SOX11: variants seen among roughly 807,000 people sequenced by gnomAD.
The protein encoded by SOX11 is transcription factor SOX-11.
Under a neutral mutation model 16.7 loss-of-function variants are expected in SOX11, and 5 were observed. That is an observed-to-expected ratio of 0.30 (90% CI 0.16 to 0.63). The LOEUF (loss-of-function observed/expected upper bound fraction) is 0.63, where lower values mean the gene tolerates loss of function less well. SOX11 is among the 20% of genes least tolerant of loss of function. The pLI is 0.82. For missense variants in SOX11, 492 were observed against 641.5 expected, an observed-to-expected ratio of 0.77 and a Z score of 2.52; for synonymous variants, 363 against 298.8, an observed-to-expected ratio of 1.21 and a Z score of -2.22.
In SOX11 at chr2:5,692,580, CG is replaced by C. The variant is rs1167244284; in HGVS notation, c.-135del. On this transcript the variant is annotated 5_prime_UTR_variant, in exon 1 of 1. Coordinates refer to ENST00000322002, the MANE Select transcript of SOX11 (RefSeq NM_003108.4). ...GCTGTGTGCAGCCTGGAAGGGGGGG[CG>C]GGGGGGAGGGGGGGAGCCGCGAAAG... 3.3e-4 allele frequency: 157 copies of C among 472,774 alleles called. No individual in the cohort carries two copies. Among genetic ancestry groups the C allele is most frequent in the Admixed American group, 5.0e-4 (9 of 18,038 alleles). 29.3% of individuals were successfully genotyped at this position (472,774 alleles called of 1,614,324 possible). A position where few individuals can be genotyped will look rare whatever the true frequency, so the allele number is the denominator to read the frequency against.
rs1665667356 is a variant in SOX11, at chr2:5,693,236, C to T, written c.515C>T (p.Ala172Val). The T allele has an allele frequency of 8.6e-6, 12 of 1,392,506 alleles. No homozygotes were observed. Among genetic ancestry groups the T allele is most frequent in the Admixed American group, 3.7e-5 (1 of 27,068 alleles). The allele number at this position is 1,392,506 out of a possible 1,614,324, so 86.3% of individuals were successfully genotyped here. A position where few individuals can be genotyped will look rare whatever the true frequency, so the allele number is the denominator to read the frequency against. The change falls in exon 1 of 1, where the codon GCC becomes GTC. Residue 172 changes from alanine to valine, a missense_variant. Ala to Val is a moderately conservative substitution (Grantham distance 64, BLOSUM62 0). Transcript: ENST00000322002. The surrounding 1 kb of genome is among the most constrained non-coding windows in gnomAD (Gnocchi z 8.6). Reference protein sequence around the residue: ...GSSKKCGKLKAPAAAGAKAGA... With the variant: ...GSSKKCGKLKVPAAAGAKAGA... ...AGCAAGAAATGCGGCAAGCTCAAGG[C>T]CCCCGCGGCCGCGGGCGCCAAGGCG...
chr2:5,693,316 G>T lies in SOX11; in HGVS notation c.595G>T (p.Val199Leu). 2 of 1,582,556 alleles carry T rather than the reference G, an allele frequency of 1.3e-6. No individual in the cohort carries two copies. The highest frequency in any genetic ancestry group is 1.7e-6 in the Non-Finnish European group (2 of 1,173,044). ...CTACGGGGGCGCGGGCGACGACTAC[G>T]TGCTGGGCAGCCTGCGCGTGAGCGG... The part of the protein sequence containing the change: ...GDYGGAGDDY[V>L]LGSLRVSGSG... Residue 199 changes from valine (V) to leucine (L), a missense_variant, in exon 1 of 1, where the codon GTG (valine) becomes TTG (leucine). Physicochemically the swap from Val to Leu is conservative, Grantham distance 32. Coordinates refer to ENST00000322002, the MANE Select transcript of SOX11 (RefSeq NM_003108.4). The surrounding 1 kb of genome is among the most constrained non-coding windows in gnomAD (Gnocchi z 8.6).
Position 5,692,716 on chromosome 2 carries a change from C to A in SOX11, c.-6C>A. 1 of 1,570,998 alleles carries A rather than the reference C, an allele frequency of 6.4e-7. No individual in the cohort carries two copies. ...CGGGTTGGAGCGTCCAGCCCTGCAG[C>A]GGATCATGGTGCAGCAGGCGGAGAG... is the stretch of plus-strand genomic sequence containing the variant. On this transcript the variant is annotated 5_prime_UTR_variant, in exon 1 of 1. Transcript: ENST00000322002.
Position 5,699,882 on chromosome 2 carries a change from A to G in SOX11, c.*5835A>G, listed in dbSNP as rs56096754. Reference sequence around the variant, plus strand: ...AGTAGTTTTTTAGTGAACTTAAAATAAACAGAATTTTAAAGGAGACCTATT... The same window carrying G: ...AGTAGTTTTTTAGTGAACTTAAAATGAACAGAATTTTAAAGGAGACCTATT... On this transcript the variant is annotated 3_prime_UTR_variant, in exon 1 of 1. Coordinates refer to ENST00000322002, the MANE Select transcript of SOX11 (RefSeq NM_003108.4). 2,680 of 167,148 alleles carry G rather than the reference A, an allele frequency of 0.016. 30 individuals carry two copies. The highest frequency in any genetic ancestry group is 0.027 in the Middle Eastern group (8 of 296). The allele number at this position is 167,148 out of a possible 1,614,324, so 10.4% of individuals were successfully genotyped here.
In SOX11 at chr2:5,692,535, T is replaced by C. The variant is rs6721975; in HGVS notation, c.-187T>C. 0.82 allele frequency: 389,364 copies of C among 476,996 alleles called. 160,657 individuals are homozygous for C. Among genetic ancestry groups the C allele is most frequent in the East Asian group, 1 (29,154 of 29,162 alleles). The allele number at this position is 476,996 out of a possible 1,614,324, so 29.5% of individuals were successfully genotyped here. The stretch of plus-strand genomic sequence containing the variant: ...GCTCCCACCGCGCCGGCGGCCGTCG[T>C]CGCCGAAGCCACCACAGCCGCTGTG... On this transcript the variant is annotated 5_prime_UTR_variant, in exon 1 of 1. Transcript: ENST00000322002.
At position 5,693,579 on chromosome 2, in the gene SOX11, G is replaced by A. The variant is rs752790790; in HGVS notation, c.858G>A (p.Glu286=). The A allele has an allele frequency of 3.2e-6, 5 of 1,560,654 alleles. No homozygotes were observed. The highest frequency in any genetic ancestry group is 2.4e-5 in the East Asian group (1 of 42,256). Residue 286 remains glutamate, a synonymous_variant, in exon 1 of 1, where the codon GAG becomes GAA. Coordinates refer to ENST00000322002, the MANE Select transcript of SOX11 (RefSeq NM_003108.4). This position sits in a 1 kb window ranked among gnomAD's most constrained non-coding sequence, Gnocchi z 8.6. ...PASPTLSSSA[E]SPEGASLYDE... ...GCCCTACGCTGAGCAGCTCGGCGGA[G>A]TCCCCCGAGGGAGCGAGCCTCTACG...
rs575740672 is a variant in SOX11, at chr2:5,698,078, T to C, written c.*4031T>C. The C allele has an allele frequency of 4.9e-3, 817 of 167,070 alleles. 5 individuals are homozygous for C. The highest frequency in any genetic ancestry group is 7.8e-3 in the Non-Finnish European group (530 of 68,120). 10.3% of individuals were successfully genotyped at this position (167,070 alleles called of 1,614,324 possible). ...GCCTAACTTGATACAAAAATAAAAG[T>C]AATTGTTTGGCAATCTAAATTTAAA... On this transcript the variant is annotated 3_prime_UTR_variant, in exon 1 of 1. Coordinates refer to ENST00000322002, the MANE Select transcript of SOX11 (RefSeq NM_003108.4).
Position 5,694,419 on chromosome 2 carries a change from GAAATTCGTGATTGCAACAAA to G in SOX11, c.*373_*392del. On this transcript the variant is annotated 3_prime_UTR_variant, in exon 1 of 1. Coordinates refer to ENST00000322002, the MANE Select transcript of SOX11 (RefSeq NM_003108.4). ...TTTGTAATTACTATTTCTTTTTCCT[GAAATTCGTGATTGCAACAAA>G]GGCAGAGGGGGCGGGGCGGGGGAGG... 1.8e-5 allele frequency: 3 copies of G among 166,800 alleles called. No homozygotes were observed. The highest frequency in any genetic ancestry group is 1.8e-4 in the East Asian group (1 of 5,578). The allele number at this position is 166,800 out of a possible 1,614,324, so 10.3% of individuals were successfully genotyped here. A position where few individuals can be genotyped will look rare whatever the true frequency, so the allele number is the denominator to read the frequency against.
At position 5,698,551 on chromosome 2, in the gene SOX11, TAAAA is replaced by T. The variant is rs10570865; in HGVS notation, c.*4515_*4518del. 728 of 163,162 alleles carry T rather than the reference TAAAA, an allele frequency of 4.5e-3. 9 individuals carry two copies. The highest frequency in any genetic ancestry group is 0.016 in the African/African-American group (659 of 40,818). The allele number at this position is 163,162 out of a possible 1,614,324, so 10.1% of individuals were successfully genotyped here. ...CACTCTGATACGCATCCCTTTTATT[TAAAA>T]AAAAAAAAAATGCTAATAAAAGGCA... On this transcript the variant is annotated 3_prime_UTR_variant, in exon 1 of 1. Coordinates refer to ENST00000322002, the MANE Select transcript of SOX11 (RefSeq NM_003108.4).
At position 5,701,350 on chromosome 2, in the gene SOX11, C is replaced by T. The variant is rs976531163; in HGVS notation, c.*7303C>T. 1 of 166,970 alleles carries T rather than the reference C, an allele frequency of 6.0e-6. No individual in the cohort carries two copies. The highest frequency in any genetic ancestry group is 2.4e-5 in the African/African-American group (1 of 41,404). 10.3% of individuals were successfully genotyped at this position (166,970 alleles called of 1,614,324 possible). On this transcript the variant is annotated 3_prime_UTR_variant, in exon 1 of 1. Coordinates refer to ENST00000322002, the MANE Select transcript of SOX11 (RefSeq NM_003108.4). ...TTTTTCACAGAGGATTACATTTGTT[C>T]AAAAGACTCTAATAAAATTGTGTGA...
chr2:5,698,913 AC>A lies in SOX11; in HGVS notation c.*4867del, dbSNP rs899338311. ...TGTTTTTTACTTCAGAATTTAAGTG[AC>A]TTTTGCCCAAGGAATTTGAGAAATA... On this transcript the variant is annotated 3_prime_UTR_variant, in exon 1 of 1. Transcript: ENST00000322002. 6 of 167,072 alleles carry A rather than the reference AC, an allele frequency of 3.6e-5. No individual in the cohort carries two copies. The highest frequency in any genetic ancestry group is 1.4e-4 in the African/African-American group (6 of 41,462). The allele number at this position is 167,072 out of a possible 1,614,324, so 10.3% of individuals were successfully genotyped here.
At position 5,693,754 on chromosome 2, in the gene SOX11, AGCAGCAGCG is replaced by A. The variant is rs767718847; in HGVS notation, c.1042_1050del (p.Gly348_Ser350del). On this transcript the variant is annotated inframe_deletion, in exon 1 of 1. Coordinates refer to ENST00000322002, the MANE Select transcript of SOX11 (RefSeq NM_003108.4). The surrounding 1 kb of genome is among the most constrained non-coding windows in gnomAD (Gnocchi z 8.6). Reference sequence around the variant, plus strand: ...GCGCTCGGTGTCCACCTCCTCGTCCAGCAGCAGCGGCAGCAGCAGCGGCAGCAGCGGCGA... The same window carrying A: ...GCGCTCGGTGTCCACCTCCTCGTCCAGCAGCAGCAGCGGCAGCAGCGGCGA... The A allele has an allele frequency of 2.5e-6, 4 of 1,586,212 alleles. No homozygotes were observed. The highest frequency in any genetic ancestry group is 2.3e-5 in the East Asian group (1 of 43,782).
Position 5,697,487 on chromosome 2 carries a change from GC to G in SOX11, c.*3446del. ...GACTGAGAACTCGGGCCTCTCACCC[GC>G]CCCCCAGCCTCCCGCTCTGGGCGAG... On this transcript the variant is annotated 3_prime_UTR_variant, in exon 1 of 1. Coordinates refer to ENST00000322002, the MANE Select transcript of SOX11 (RefSeq NM_003108.4). 3.7e-5 allele frequency: 1 copy of G among 27,146 alleles called. No individual in the cohort carries two copies. The allele number at this position is 27,146 out of a possible 1,614,324, so 1.7% of individuals were successfully genotyped here.
chr2:5,693,252 C>A lies in SOX11; in HGVS notation c.531C>A (p.Gly177=). ...AGCTCAAGGCCCCCGCGGCCGCGGGCGCCAAGGCGGGCGCGGGCAAGGCGG... is the reference window on the plus strand; with the variant it reads ...AGCTCAAGGCCCCCGCGGCCGCGGGAGCCAAGGCGGGCGCGGGCAAGGCGG... ...CGKLKAPAAA[G]AKAGAGKAAQ... Residue 177 remains glycine (G), a synonymous_variant, in exon 1 of 1, where the codon GGC becomes GGA. Coordinates refer to ENST00000322002, the MANE Select transcript of SOX11 (RefSeq NM_003108.4). This position sits in a 1 kb window ranked among gnomAD's most constrained non-coding sequence, Gnocchi z 8.6. 7.3e-7 allele frequency: 1 copy of A among 1,376,348 alleles called. No homozygotes were observed. Among genetic ancestry groups the A allele is most frequent in the Non-Finnish European group, 9.3e-7 (1 of 1,076,832 alleles). 85.3% of individuals were successfully genotyped at this position (1,376,348 alleles called of 1,614,324 possible).
In SOX11 at chr2:5,693,345, G is replaced by GGGC; in HGVS notation, c.635_637dup (p.Gly212dup). The GGGC allele has an allele frequency of 1.3e-6, 2 of 1,588,426 alleles. No individual in the cohort carries two copies. The highest frequency in any genetic ancestry group is 2.7e-5 in the African/African-American group (2 of 74,246). ...TGGGCAGCCTGCGCGTGAGCGGCTCGGGCGGCGGCGGCGCGGGCAAGACGG... is the reference window on the plus strand; with the variant it reads ...TGGGCAGCCTGCGCGTGAGCGGCTCGGGCGGCGGCGGCGGCGCGGGCAAGACGG... On this transcript the variant is annotated inframe_insertion, in exon 1 of 1. Coordinates refer to ENST00000322002, the MANE Select transcript of SOX11 (RefSeq NM_003108.4). This position sits in a 1 kb window ranked among gnomAD's most constrained non-coding sequence, Gnocchi z 8.6.
Position 5,694,174 on chromosome 2 carries a change from G to T in SOX11, c.*127G>T. 1 of 1,228,360 alleles carries T rather than the reference G, an allele frequency of 8.1e-7. No homozygotes were observed. The highest frequency in any genetic ancestry group is 1.6e-5 in the African/African-American group (1 of 64,454). The allele number at this position is 1,228,360 out of a possible 1,614,324, so 76.1% of individuals were successfully genotyped here. A position where few individuals can be genotyped will look rare whatever the true frequency, so the allele number is the denominator to read the frequency against. ...GGTGGTGTTGATGGTGGCGGTGGTA[G>T]GGTGGAGGGGAGAGAAGAAGATGCT... On this transcript the variant is annotated 3_prime_UTR_variant, in exon 1 of 1. Transcript: ENST00000322002.
rs905539326 is a variant in SOX11, at chr2:5,696,469, T to A, written c.*2422T>A. The stretch of plus-strand genomic sequence containing the variant: ...CGAGGGCACCCCGAGGAACATGGCA[T>A]GGCCTCTGTGCGATCCGAGTCGCGG... On this transcript the variant is annotated 3_prime_UTR_variant, in exon 1 of 1. Transcript: ENST00000322002. The A allele has an allele frequency of 6.4e-6, 1 of 155,804 alleles. No homozygotes were observed. Among genetic ancestry groups the A allele is most frequent in the Non-Finnish European group, 1.5e-5 (1 of 68,298 alleles). 9.7% of individuals were successfully genotyped at this position (155,804 alleles called of 1,614,324 possible). A position where few individuals can be genotyped will look rare whatever the true frequency, so the allele number is the denominator to read the frequency against.
chr2:5,701,225 G>C lies in SOX11; in HGVS notation c.*7178G>C, dbSNP rs1415450349. 1 of 166,998 alleles carries C rather than the reference G, an allele frequency of 6.0e-6. No individual in the cohort carries two copies. The highest frequency in any genetic ancestry group is 2.4e-5 in the African/African-American group (1 of 41,392). 10.3% of individuals were successfully genotyped at this position (166,998 alleles called of 1,614,324 possible). ...TAGAGAATATCAGTGGCTTGTGCTT[G>C]TGCTTCGATCTAACCAGCTTCTTGA... On this transcript the variant is annotated 3_prime_UTR_variant, in exon 1 of 1. Coordinates refer to ENST00000322002, the MANE Select transcript of SOX11 (RefSeq NM_003108.4).
chr2:5,693,163 G>T lies in SOX11; in HGVS notation c.442G>T (p.Gly148Trp). Residue 148 changes from glycine to tryptophan, a missense_variant, in exon 1 of 1, where the codon GGG becomes TGG. Gly to Trp is a radical substitution (Grantham distance 184). Transcript: ENST00000322002. This position sits in a 1 kb window ranked among gnomAD's most constrained non-coding sequence, Gnocchi z 8.6. The part of the protein sequence containing the change: ...PEKSAAGGGG[G>W]SAGGGAGGAK... ...GAAGAGCGCGGCCGGCGGCGGCGGC[G>T]GGAGCGCGGGCGGAGGCGCGGGCGG... 6.3e-7 allele frequency: 1 copy of T among 1,579,290 alleles called. No homozygotes were observed. The highest frequency in any genetic ancestry group is 2.3e-5 in the East Asian group (1 of 43,492).
Sources: allele counts gnomAD v4.1 joint callset, GRCh38; gene constraint gnomAD v4.1.1; non-coding constraint Gnocchi (gnomAD v3.1); transcripts MANE v1.5; gene names NCBI Gene and HGNC (gene_info 2026-07-23, HGNC 2026-07-21).